Variants in SAR1B observed in about 807,000 individuals in gnomAD.
SAR1B encodes the protein small COPII coat GTPase SAR1B.
Under a neutral mutation model 26.8 loss-of-function variants are expected in SAR1B, and 23 were observed. The observed-to-expected ratio is 0.86, with a 90% CI of 0.62 to 1.22. The LOEUF (loss-of-function observed/expected upper bound fraction) is 1.22, where lower values mean the gene tolerates loss of function less well. Ranked by LOEUF, SAR1B falls within the 50% of genes most tolerant of loss-of-function variation. SAR1B has a pLI of 0.00. For synonymous variants in SAR1B, 65 were observed against 80.8 expected (o/e 0.80, Z 1.05); for missense variants, 196 against 232.8 (o/e 0.84, Z 1.03).
At chr5:134,614,273 C>T (rs1356937594) in intron 3 of SAR1B, 2 of 152,078 alleles carry the variant, frequency 1.3e-5, no homozygotes, top group African/African-American at 2.4e-5. Flanking sequence ...CCTTTAAATC[C>T]CTGAGCACAT....
chr5:134,630,632 A>T (rs1238707563), intron 1 of SAR1B, among the ~76,000 whole-genome samples: 2 of 142,994 alleles, frequency 1.4e-5, no homozygotes, highest in Non-Finnish European at 3.1e-5. Context: ...AAAATACAAA[A>T]ATCAGCAGGA....
At position 134,612,681 on chromosome 5, in the gene SAR1B, A is replaced by AT; in HGVS notation, c.244+9_244+10insA. The AT allele has an allele frequency of 8.9e-7, 1 of 1,124,730 alleles. No homozygotes were observed. The highest frequency in any genetic ancestry group is 1.2e-6 in the Non-Finnish European group (1 of 836,278). 69.7% of individuals were successfully genotyped at this position (1,124,730 alleles called of 1,614,324 possible). Reference sequence around the variant, plus strand: ...AAAAAAAAAAAAAAAAAAAAAAAAAAGAATCTTACCTTGAACATGTCCACC... The same window carrying AT: ...AAAAAAAAAAAAAAAAAAAAAAAAAATGAATCTTACCTTGAACATGTCCACC... On this transcript the variant is annotated intron_variant, in intron 4 of 6. Coordinates refer to ENST00000402673, the MANE Select transcript of SAR1B (RefSeq NM_016103.4).
intron 1 of SAR1B, among the ~76,000 whole-genome samples, chr5:134,629,457 G>C (rs1234861882): frequency 6.6e-6 from 1 of 152,114 alleles, no homozygotes; most frequent in Non-Finnish European, 1.5e-5. Flanking sequence ...CCAGCACTTT[G>C]GGAGGCCGAG....
chr5:134,608,407 C>A lies in SAR1B; in HGVS notation c.445G>T (p.Glu149Ter). ...GTCTGACCATATAAACCAAACATCT[C>A]TCGCAACCTCTCTTCACTGATGGCT... is the stretch of plus-strand genomic sequence containing the variant. Reference protein sequence around the residue: ...PEAISEERLREMFGLYGQTTG... With the variant: ...PEAISEERLR The change falls in exon 6 of 7, where the codon GAG (glutamate) becomes TAG (stop). Residue 149 changes from glutamate to a stop codon, truncating the protein, a stop_gained. Transcript: ENST00000402673. LOFTEE classifies it high-confidence loss of function. The A allele has an allele frequency of 6.3e-7, 1 of 1,598,782 alleles. No individual in the cohort carries two copies. Among genetic ancestry groups the A allele is most frequent in the Non-Finnish European group, 8.5e-7 (1 of 1,172,070 alleles).
intron 1 of SAR1B, among the ~76,000 whole-genome samples, chr5:134,632,508 G>A (rs1328276074): frequency 3.9e-5 from 6 of 152,222 alleles, no homozygotes; most frequent in African/African-American, 1.2e-4. Flanking sequence ...GCGTCTGACA[G>A]CAGCAGTGTT....
intron 3 of SAR1B, among the ~76,000 whole-genome samples, chr5:134,616,594 T>C (rs1008918366): frequency 2.0e-5 from 3 of 152,218 alleles, no homozygotes; most frequent in Non-Finnish European, 4.4e-5. Context: ...ATATACTTTC[T>C]GCTTTATAAA....
chr5:134,631,455 C>T (rs1219730463), intron 1 of SAR1B: 3 of 152,200 alleles, frequency 2.0e-5, no homozygotes, highest in Non-Finnish European at 2.9e-5. Context: ...CAGCTAGTGC[C>T]TTACTCATAG....
intron 4 of SAR1B, among the ~76,000 whole-genome samples, chr5:134,611,264 G>T (rs1765208026): frequency 6.6e-6 from 1 of 152,148 alleles, no homozygotes; most frequent in Non-Finnish European, 1.5e-5. Flanking sequence ...TTGTGTATAT[G>T]CCAGACAATT....
At chr5:134,610,920 T>C (rs953916540) in intron 4 of SAR1B, among the ~76,000 whole-genome samples, 1 of 151,760 alleles carries the variant, frequency 6.6e-6, no homozygotes, top group Non-Finnish European at 1.5e-5. Flanking sequence ...GGTCTTGCTC[T>C]GTCATCCAGG....
intron 1 of SAR1B, among the ~76,000 whole-genome samples, chr5:134,627,838 A>G (rs1436596833): frequency 1.7e-5 from 2 of 114,802 alleles, no homozygotes; most frequent in Non-Finnish European, 3.8e-5. Context: ...ATAAATAAAT[A>G]AATAAAACCA....
At position 134,625,977 on chromosome 5, in the gene SAR1B, G is replaced by A. The variant is rs1448142817; in HGVS notation, c.-18-1940C>T. On this transcript the variant is annotated intron_variant, in intron 1 of 6. Transcript: ENST00000402673. ...CTAAGAAGACACAAACTCTGCTTTGGAAGATAATAATATATATATTTCTTT... is the reference window on the plus strand; with the variant it reads ...CTAAGAAGACACAAACTCTGCTTTGAAAGATAATAATATATATATTTCTTT... 3 of 152,054 alleles carry A rather than the reference G, an allele frequency of 2.0e-5. 1 individual carries two copies. The highest frequency in any genetic ancestry group is 4.4e-5 in the Non-Finnish European group (3 of 68,004). The allele number at this position is 152,054 out of a possible 1,614,324, so 9.4% of individuals were successfully genotyped here. A position where few individuals can be genotyped will look rare whatever the true frequency, so the allele number is the denominator to read the frequency against.
chr5:134,619,275 G>C (rs1765364100), intron 3 of SAR1B, among the ~76,000 whole-genome samples: 1 of 147,842 alleles, frequency 6.8e-6, no homozygotes. Flanking sequence ...AGGTTGCAGT[G>C]AGCCGAGATC....
intron 4 of SAR1B, 146 bp from the exon 5 acceptor site, chr5:134,609,820 G>A: frequency 1.4e-6 from 1 of 708,366 alleles, no homozygotes. Context: ...TTTACCCAGT[G>A]GTGCCAAATT....
Position 134,622,557 on chromosome 5 carries a change from C to T in SAR1B, c.58+1405G>A, listed in dbSNP as rs571093204. Among the ~76,000 whole-genome samples, 63 of 151,368 alleles carry T rather than the reference C, an allele frequency of 4.2e-4. 1 individual carries two copies. Among genetic ancestry groups the T allele is most frequent in the Non-Finnish European group, 6.3e-4 (43 of 67,824 alleles). On this transcript the variant is annotated intron_variant, in intron 2 of 6. Coordinates refer to ENST00000402673, the MANE Select transcript of SAR1B (RefSeq NM_016103.4). ...TCCCAAGTAGCTGGGACTACAGGCGCGTGCCACCATGCCTGTCTAATTTTT... is the reference window on the plus strand; with the variant it reads ...TCCCAAGTAGCTGGGACTACAGGCGTGTGCCACCATGCCTGTCTAATTTTT...
Position 134,606,975 on chromosome 5 carries a change from C to T in SAR1B, c.572G>A (p.Arg191His), listed in dbSNP as rs200409139. Residue 191 changes from arginine (R) to histidine (H), a missense_variant, in exon 7 of 7, where the codon CGC becomes CAC. By Grantham distance (29) the Arg-to-His change is conservative. Coordinates refer to ENST00000402673, the MANE Select transcript of SAR1B (RefSeq NM_016103.4). ...LKRQGYGEGFRWMAQYID is the reference protein window; with the variant it reads ...LKRQGYGEGFHWMAQYID ...TTAATCAATGTACTGTGCCATCCAGCGGAAGCCTTCTCCGTAACCTTGTCT... is the reference window on the plus strand; with the variant it reads ...TTAATCAATGTACTGTGCCATCCAGTGGAAGCCTTCTCCGTAACCTTGTCT... The T allele has an allele frequency of 2.9e-5, 46 of 1,613,410 alleles. No individual in the cohort carries two copies. The Admixed American group carries it at 3.2e-4, about 11-fold the overall frequency.
intron 1 of SAR1B, among the ~76,000 whole-genome samples, chr5:134,628,609 A>T (rs1271017838): frequency 2.6e-5 from 4 of 152,164 alleles, no homozygotes; most frequent in African/African-American, 9.6e-5. Context: ...TGAGACCAGG[A>T]GTTAAAGACC....
intron 5 of SAR1B, chr5:134,609,274 C>T (rs545577131): frequency 2.2e-6 from 1 of 446,058 alleles, no homozygotes; most frequent in South Asian, 2.0e-5. Flanking sequence ...GATCAACCCA[C>T]TCCAGGAATA....
chr5:134,617,800 GC>G (rs1430881621), intron 3 of SAR1B, among the ~76,000 whole-genome samples: 1 of 152,000 alleles, frequency 6.6e-6, no homozygotes, highest in Non-Finnish European at 1.5e-5. Flanking sequence ...TCCTGTCTCT[GC>G]CTCCCGAGTA....
intron 1 of SAR1B, among the ~76,000 whole-genome samples, chr5:134,626,253 C>T (rs981438479): frequency 9.1e-5 from 11 of 120,784 alleles, no homozygotes; most frequent in East Asian, 5.3e-4. Context: ...GAGCCGAGAT[C>T]GAGCCACTGC....
Sources: gnomAD v4.1 joint callset for allele counts (sites outside exome capture counted in the v4.1 genomes callset) on GRCh38, gnomAD v4.1.1 for gene constraint, MANE v1.5 for transcripts, NCBI Gene and HGNC (gene_info 2026-07-23, HGNC 2026-07-21) for gene names.